TBCD: variants seen among roughly 807,000 people sequenced by gnomAD.
The protein encoded by TBCD is tubulin-specific chaperone D.
TBCD carries 105 observed loss-of-function variants against 169.3 expected under a neutral mutation model. The ratio of observed to expected loss-of-function variants is 0.62; its 90% CI spans 0.53 to 0.73. TBCD has a LOEUF of 0.73. Among genes scored for constraint, TBCD ranks in the 30% least tolerant of loss-of-function variants. The probability of loss-of-function intolerance (pLI) is 0.00; values close to 1 mark genes in which losing one functional copy is unlikely to be tolerated. For synonymous variants in TBCD, 700 were observed against 643.9 expected (o/e 1.09, Z -1.32); for missense variants, 1,444 against 1,600.1 (o/e 0.90, Z 1.66).
At position 82,830,485 on chromosome 17, in the gene TBCD, G is replaced by C. The variant is rs770687546; in HGVS notation, c.1318+15551G>C. 3.7e-6 allele frequency: 6 copies of C among 1,613,346 alleles called. No homozygotes were observed. In the South Asian group the frequency reaches 6.6e-5, roughly 18 times the overall value. ...AGCCTCCTCGCCGGGGCCTGTGGGTGGGGCCCCGTCACCGTCGAGGCTGCC... is the reference window on the plus strand; with the variant it reads ...AGCCTCCTCGCCGGGGCCTGTGGGTCGGGCCCCGTCACCGTCGAGGCTGCC... On this transcript the variant is annotated intron_variant, in intron 13 of 38. Transcript: ENST00000355528.
chr17:82,896,833 G>A (rs1309747921), intron 17 of TBCD, among the ~76,000 whole-genome samples: 2 of 152,222 alleles, frequency 1.3e-5, no homozygotes, highest in East Asian at 3.9e-4. Context: ...TGCTGGATGA[G>A]CTCGGGGTCC....
intron 13 of TBCD, chr17:82,829,922 G>T: frequency 1.4e-6 from 1 of 699,440 alleles, no homozygotes; most frequent in Non-Finnish European, 2.3e-6. Flanking sequence ...TCATTCAGGT[G>T]TTTTTACAAC....
At chr17:82,894,436 A>G (rs1252879272) in intron 17 of TBCD, among the ~76,000 whole-genome samples, 1 of 152,302 alleles carries the variant, frequency 6.6e-6, no homozygotes, top group South Asian at 2.1e-4. Flanking sequence ...TGCCCGATGC[A>G]TTTTTAACAT....
chr17:82,807,166 G>A (rs2051030827), intron 10 of TBCD, among the ~76,000 whole-genome samples: 1 of 152,230 alleles, frequency 6.6e-6, no homozygotes, highest in African/African-American at 2.4e-5. Flanking sequence ...GCATCCTCTA[G>A]GCTTCTGTGT....
In TBCD at chr17:82,782,695, C is replaced by T. The variant is rs547785076; in HGVS notation, c.771+974C>T. On this transcript the variant is annotated intron_variant, in intron 7 of 38. Transcript: ENST00000355528. This position sits in a 1 kb window ranked among gnomAD's most constrained non-coding sequence, Gnocchi z 5.1. ...GGAGATGATGAGTGCCACCTCGCCACGGCGTCCTCCTGTCCGTGGCGTCGT... is the reference window on the plus strand; with the variant it reads ...GGAGATGATGAGTGCCACCTCGCCATGGCGTCCTCCTGTCCGTGGCGTCGT... Among the ~76,000 whole-genome samples, 50 of 152,232 alleles carry T rather than the reference C, an allele frequency of 3.3e-4. No individual in the cohort carries two copies. The highest frequency in any genetic ancestry group is 9.6e-4 in the African/African-American group (40 of 41,546).
chr17:82,775,854 C>T (rs1264051223), intron 6 of TBCD, among the ~76,000 whole-genome samples: 2 of 151,898 alleles, frequency 1.3e-5, no homozygotes, highest in South Asian at 2.1e-4. Flanking sequence ...AACTAACTTG[C>T]ACAATGTGCA....
At chr17:82,918,941 C>T (rs781605843) in intron 23 of TBCD, among the ~76,000 whole-genome samples, 21 of 152,100 alleles carry the variant, frequency 1.4e-4, no homozygotes, top group Admixed American at 9.2e-4. Context: ...CAGGTGCCCA[C>T]GTGGAAGAAG....
chr17:82,802,839 C>T (rs368330819), intron 9 of TBCD, among the ~76,000 whole-genome samples: 2 of 152,256 alleles, frequency 1.3e-5, no homozygotes, highest in South Asian at 4.1e-4. Flanking sequence ...GGGCGCCCCA[C>T]GGCGCAGTCA....
chr17:82,758,391 A>AT lies in TBCD; in HGVS notation c.235+2176_235+2177insT, dbSNP rs2047530907. ...AAGAACGAAAACGTCTCGGAAAAAAAAAAAAAAAAAAATAAATAAATAAAT... is the reference window on the plus strand; with the variant it reads ...AAGAACGAAAACGTCTCGGAAAAAAATAAAAAAAAAAAATAAATAAATAAAT... On this transcript the variant is annotated intron_variant, in intron 2 of 38. Coordinates refer to ENST00000355528, the MANE Select transcript of TBCD (RefSeq NM_005993.5). 3.7e-5 allele frequency among the ~76,000 whole-genome samples: 5 copies of AT among 136,390 alleles called. No individual in the cohort carries two copies. In the South Asian group the frequency reaches 9.6e-4, roughly 26 times the overall value. 89.5% of individuals were successfully genotyped at this position (136,390 alleles called of 152,430 possible). A position where few individuals can be genotyped will look rare whatever the true frequency, so the allele number is the denominator to read the frequency against.
Position 82,903,346 on chromosome 17 carries a change from T to G in TBCD, c.1731-59T>G. 6.7e-7 allele frequency: 1 copy of G among 1,486,232 alleles called. No individual in the cohort carries two copies. Among genetic ancestry groups the G allele is most frequent in the Non-Finnish European group, 9.2e-7 (1 of 1,086,688 alleles). The allele number at this position is 1,486,232 out of a possible 1,614,324, so 92.1% of individuals were successfully genotyped here. ...GTCTCCCTCACTTTCTTTTTATGAATTGAATAAAGCTAGAATCATAAAATG... is the reference window on the plus strand; with the variant it reads ...GTCTCCCTCACTTTCTTTTTATGAAGTGAATAAAGCTAGAATCATAAAATG... On this transcript the variant is annotated intron_variant, in intron 18 of 38. Transcript: ENST00000355528. This position sits in a 1 kb window ranked among gnomAD's most constrained non-coding sequence, Gnocchi z 4.8.
Position 82,924,975 on chromosome 17 carries a change from A to G in TBCD, c.2297A>G (p.Asn766Ser). The G allele has an allele frequency of 6.4e-7, 1 of 1,573,950 alleles. No homozygotes were observed. Among genetic ancestry groups the G allele is most frequent in the Non-Finnish European group, 8.6e-7 (1 of 1,158,584 alleles). Residue 766 changes from asparagine to serine, a missense_variant, in exon 27 of 39, where the codon AAC (asparagine) becomes AGC (serine). Coordinates refer to ENST00000355528, the MANE Select transcript of TBCD (RefSeq NM_005993.5). Reference protein sequence around the residue: ...LITQYLAELRNPEEMTRCGFS... With the variant: ...LITQYLAELRSPEEMTRCGFS... ...ACGCAGTACCTGGCTGAGCTTCGGA[A>G]CCCCGAGGAGATGACTCGCTGTGGC... is the stretch of plus-strand genomic sequence containing the variant.
In TBCD at chr17:82,880,643, G is replaced by A. The variant is rs1246698803; in HGVS notation, c.1476-3502G>A. Among the ~76,000 whole-genome samples, 2 of 152,050 alleles carry A rather than the reference G, an allele frequency of 1.3e-5. No individual in the cohort carries two copies. The highest frequency in any genetic ancestry group is 4.8e-5 in the African/African-American group (2 of 41,398). On this transcript the variant is annotated intron_variant, in intron 14 of 38. Transcript: ENST00000355528. This position sits in a 1 kb window ranked among gnomAD's most constrained non-coding sequence, Gnocchi z 5.0. ...GGCAGGTAGCGGGTGGGCCTCCGTG[G>A]TGTTGGGAGGTGCTGGGCCCGGAGG...
At chr17:82,917,498 A>G (rs1256685927) in intron 23 of TBCD, among the ~76,000 whole-genome samples, 3 of 152,160 alleles carry the variant, frequency 2.0e-5, no homozygotes, top group Non-Finnish European at 4.4e-5. Flanking sequence ...CTGTTTCTGA[A>G]GGACGGTATA....
Position 82,889,366 on chromosome 17 carries a change from GTC to G in TBCD, c.1534-296_1534-295del, listed in dbSNP as rs2058971370. 6.6e-6 allele frequency among the ~76,000 whole-genome samples: 1 copy of G among 152,176 alleles called. No individual in the cohort carries two copies. The highest frequency in any genetic ancestry group is 1.5e-5 in the Non-Finnish European group (1 of 68,024). On this transcript the variant is annotated intron_variant, in intron 15 of 38. Coordinates refer to ENST00000355528, the MANE Select transcript of TBCD (RefSeq NM_005993.5). The surrounding 1 kb of genome is among the most constrained non-coding windows in gnomAD (Gnocchi z 5.3). Reference sequence around the variant, plus strand: ...GGGCTTTGATTTAACCTGCCTGTCTGTCTCTCTGAGTTGACAGCCGGGGCCTC... The same window carrying G: ...GGGCTTTGATTTAACCTGCCTGTCTGTCTCTGAGTTGACAGCCGGGGCCTC...
intron 13 of TBCD, among the ~76,000 whole-genome samples, chr17:82,826,388 TTTGAG>T (rs1196396704): frequency 2.0e-5 from 3 of 152,174 alleles, no homozygotes; most frequent in Non-Finnish European, 4.4e-5. Context: ...AGCTGTTTAG[TTTGAG>T]TTATCTTTTG....
At chr17:82,784,732 A>G (rs79126617) in intron 7 of TBCD, among the ~76,000 whole-genome samples, 3,345 of 152,262 alleles carry the variant, frequency 0.022, 141 homozygotes, top group African/African-American at 0.076. Flanking sequence ...AGCCTCCCAC[A>G]TGACCAAGGA....
intron 21 of TBCD, among the ~76,000 whole-genome samples, chr17:82,909,011 G>C (rs2060434906): frequency 6.6e-6 from 1 of 152,244 alleles, no homozygotes; most frequent in Non-Finnish European, 1.5e-5. Context: ...TCTGGGGCCA[G>C]AATGCAGGTG....
rs570831081 is a variant in TBCD at position 82,807,833 on chromosome 17, C to T, written c.1148+165C>T. ...TACGTGTTGGCGTGAAGATGGTTCC[C>T]GAGGCGGAGCTTCGGTCTCCTCCGT... is the stretch of plus-strand genomic sequence containing the variant. On this transcript the variant is annotated intron_variant, in intron 11 of 38. Coordinates refer to ENST00000355528, the MANE Select transcript of TBCD (RefSeq NM_005993.5). Among the ~76,000 whole-genome samples the T allele has an allele frequency of 1.1e-3, 166 of 152,336 alleles. 1 individual carries two copies. Among genetic ancestry groups the T allele is most frequent in the Middle Eastern group, 0.01 (3 of 294 alleles).
At chr17:82,908,519 T>C (rs1263902156) in intron 21 of TBCD, 2 of 355,198 alleles carry the variant, frequency 5.6e-6, no homozygotes, top group Non-Finnish European at 1.1e-5. Flanking sequence ...ACTTGTCTGT[T>C]GTCCAGATAG....
Sources: allele counts gnomAD v4.1 joint callset (sites outside exome capture counted in the v4.1 genomes callset), GRCh38; gene constraint gnomAD v4.1.1; non-coding constraint Gnocchi (gnomAD v3.1); transcripts MANE v1.5; gene names NCBI Gene and HGNC (gene_info 2026-07-23, HGNC 2026-07-21).